FBXO31: variants seen among roughly 807,000 people sequenced by gnomAD.
The protein encoded by FBXO31 is F-box protein 31.
FBXO31 carries 24 observed loss-of-function variants against 54.4 expected under a neutral mutation model. That is an observed-to-expected ratio of 0.44 (90% confidence interval 0.32 to 0.62). The LOEUF is 0.62. Ranked by LOEUF, FBXO31 falls within the 20% of genes least tolerant of loss-of-function variation. The pLI is 0.05. For synonymous variants in FBXO31, 388 were observed against 335.6 expected, an observed-to-expected ratio of 1.16 and a Z score of -1.71; for missense variants, 665 against 787.1, an observed-to-expected ratio of 0.84 and a Z score of 1.86.
intron 1 of FBXO31, among the ~76,000 whole-genome samples, chr16:87,374,590 C>A (rs1382181308): frequency 1.3e-5 from 2 of 152,096 alleles, no homozygotes; most frequent in South Asian, 2.1e-4. Context: ...AAATTTAGAC[C>A]CACCTTAGGC....
chr16:87,383,829 G>T, upstream of FBXO31: 1 of 983,444 alleles, frequency 1.0e-6, no homozygotes, highest in Non-Finnish European at 1.3e-6. The surrounding 1 kb of genome is among the most constrained non-coding windows in gnomAD (Gnocchi z 4.9). Context: ...CGCCCCCGCC[G>T]CAGAGCTCGC....
At chr16:87,360,987 C>G (rs1181465659) in intron 1 of FBXO31, among the ~76,000 whole-genome samples, 1 of 152,216 alleles carries the variant, frequency 6.6e-6, no homozygotes, top group East Asian at 1.9e-4. Context: ...CCTACTCCCA[C>G]CCCACCACAG....
chr16:87,388,631 G>C (rs193176724), upstream of FBXO31: 128 of 152,322 alleles, frequency 8.4e-4, no homozygotes, highest in African/African-American at 2.8e-3. Flanking sequence ...TTAATGTTTT[G>C]TGATTCATTT....
chr16:87,343,844 G>T, intron 3 of FBXO31, 79 bp from the exon 4 acceptor site: 1 of 1,510,004 alleles, frequency 6.6e-7, no homozygotes, highest in Non-Finnish European at 9.1e-7. Context: ...TCCCCGCACT[G>T]CAATGGCACA....
intron 1 of FBXO31, among the ~76,000 whole-genome samples, chr16:87,362,851 A>G (rs1355146797): frequency 6.6e-6 from 1 of 152,006 alleles, no homozygotes; most frequent in Non-Finnish European, 1.5e-5. Flanking sequence ...GCCACTGTGC[A>G]TGGCCAGAGT....
intron 5 of FBXO31, among the ~76,000 whole-genome samples, chr16:87,340,606 A>C (rs9931961): frequency 0.029 from 4,425 of 152,330 alleles, 204 homozygotes; most frequent in African/African-American, 0.1. Context: ...GAGAGATCTC[A>C]GGATGGCACT....
At chr16:87,333,489 G>T (rs1904934980) in intron 8 of FBXO31, among the ~76,000 whole-genome samples, 1 of 152,226 alleles carries the variant, frequency 6.6e-6, no homozygotes, top group South Asian at 2.1e-4. Flanking sequence ...GGTGGGGAAG[G>T]GGCCTTGTTC....
At chr16:87,351,015 G>A (rs557388459) in intron 2 of FBXO31, among the ~76,000 whole-genome samples, 17 of 152,330 alleles carry the variant, frequency 1.1e-4, no homozygotes, top group South Asian at 8.3e-4. Flanking sequence ...ACCAGATGTC[G>A]GCTCCTTTAG....
chr16:87,351,491 T>C (rs753470052), intron 2 of FBXO31, among the ~76,000 whole-genome samples: 32 of 152,172 alleles, frequency 2.1e-4, no homozygotes, highest in Non-Finnish European at 4.1e-4. Flanking sequence ...GGGCAGCAGA[T>C]GGTCAGGCCT....
rs1907174513 is a variant in FBXO31 at position 87,383,422 on chromosome 16, C to T, written c.323G>A (p.Arg108Lys). Residue 108 changes from arginine to lysine, a missense_variant, in exon 1 of 9, where the codon AGG (arginine) becomes AAG (lysine). Around this residue, in one of 4 missense-constraint regions of FBXO31, gnomAD observed 195 missense variants for 174.8 expected, o/e 1.12. Transcript: ENST00000311635. This position sits in a 1 kb window ranked among gnomAD's most constrained non-coding sequence, Gnocchi z 4.9. ...RRILHTDTIW[R>K]RRCREEYGVC... ...GCGCTCACCCTCACGGCAACGCCTCCTCCAGATGGTGTCGGTGTGGAGGAT... is the reference window on the plus strand; with the variant it reads ...GCGCTCACCCTCACGGCAACGCCTCTTCCAGATGGTGTCGGTGTGGAGGAT... The T allele has an allele frequency of 3.2e-6, 5 of 1,570,612 alleles. No individual in the cohort carries two copies. The Middle Eastern group carries it at 5.8e-4, about 184-fold the overall frequency.
intron 1 of FBXO31, among the ~76,000 whole-genome samples, chr16:87,369,729 A>AT (rs1906516677): frequency 6.6e-6 from 1 of 152,126 alleles, no homozygotes; most frequent in Non-Finnish European, 1.5e-5. Context: ...CTAAGTTTAA[A>AT]TTTTTTAGGA....
rs574020567 is a variant in FBXO31, at chr16:87,338,354, G to C, written c.733-2090C>G. ...ACCCTCGTGGCAGCGCCGGCAGAGGGGGCTGAGGGTGACAAGGATGCCTGC... is the reference window on the plus strand; with the variant it reads ...ACCCTCGTGGCAGCGCCGGCAGAGGCGGCTGAGGGTGACAAGGATGCCTGC... On this transcript the variant is annotated intron_variant, in intron 5 of 8. Coordinates refer to ENST00000311635, the MANE Select transcript of FBXO31 (RefSeq NM_024735.5). The surrounding 1 kb of genome is among the most constrained non-coding windows in gnomAD (Gnocchi z 4.3). 1.3e-5 allele frequency among the ~76,000 whole-genome samples: 2 copies of C among 152,248 alleles called. No individual in the cohort carries two copies. Among genetic ancestry groups the C allele is most frequent in the South Asian group, 4.1e-4 (2 of 4,830 alleles).
intron 2 of FBXO31, among the ~76,000 whole-genome samples, chr16:87,348,923 G>A (rs1597366406): frequency 6.6e-6 from 1 of 152,228 alleles, no homozygotes; most frequent in Non-Finnish European, 1.5e-5. Context: ...GAATCCAGCA[G>A]AAGCATCGCT....
Position 87,330,293 on chromosome 16 carries a change from G to A in FBXO31, c.*995C>T, listed in dbSNP as rs573189181. 1 of 152,316 alleles carries A rather than the reference G, an allele frequency of 6.6e-6. No homozygotes were observed. The highest frequency in any genetic ancestry group is 6.5e-5 in the Admixed American group (1 of 15,286). The allele number at this position is 152,316 out of a possible 1,614,324, so 9.4% of individuals were successfully genotyped here. ...TTCCAAAGTGTGTCCCCAGATGCAG[G>A]TGTGGCTTTTCTAGAAAGCTGTCCC... On this transcript the variant is annotated 3_prime_UTR_variant, in exon 9 of 9. Transcript: ENST00000311635.
chr16:87,352,553 T>C (rs1028104043), intron 2 of FBXO31, among the ~76,000 whole-genome samples: 2 of 152,272 alleles, frequency 1.3e-5, no homozygotes, highest in South Asian at 2.1e-4. Flanking sequence ...CCCACAGGCC[T>C]GTTCAGGTCC....
chr16:87,375,649 G>C (rs1042417337), intron 1 of FBXO31, among the ~76,000 whole-genome samples: 29 of 152,118 alleles, frequency 1.9e-4, no homozygotes, highest in Admixed American at 3.3e-4. Context: ...GAAAGTGAAG[G>C]CTTCTTTATA....
At position 87,358,139 on chromosome 16, in the gene FBXO31, T is replaced by A. The variant is rs1194500378; in HGVS notation, c.412+2156A>T. Among the ~76,000 whole-genome samples, 1 of 152,192 alleles carries A rather than the reference T, an allele frequency of 6.6e-6. No individual in the cohort carries two copies. The highest frequency in any genetic ancestry group is 6.5e-5 in the Admixed American group (1 of 15,282). On this transcript the variant is annotated intron_variant, in intron 2 of 8. Transcript: ENST00000311635. This position sits in a 1 kb window ranked among gnomAD's most constrained non-coding sequence, Gnocchi z 4.0. ...CCTCAATAAACGATACATGTGAAAATGTGCATTAAAGTGATCTCGACTGGT... is the reference window on the plus strand; with the variant it reads ...CCTCAATAAACGATACATGTGAAAAAGTGCATTAAAGTGATCTCGACTGGT...
upstream of FBXO31, chr16:87,384,095 T>C (rs1041373172): frequency 3.1e-5 from 5 of 161,144 alleles, no homozygotes; most frequent in Non-Finnish European, 6.7e-5. Context: ...CTAACGAGGC[T>C]GCTCGGCGAC....
intron 2 of FBXO31, among the ~76,000 whole-genome samples, chr16:87,353,389 C>T (rs926294187): frequency 3.9e-5 from 6 of 152,362 alleles, no homozygotes; most frequent in East Asian, 1.9e-4. Context: ...TCAAAATTCA[C>T]GTCCCCTAGA....
Sources: allele counts gnomAD v4.1 joint callset (sites outside exome capture counted in the v4.1 genomes callset), GRCh38; gene constraint gnomAD v4.1.1; regional missense constraint gnomAD v4.1.1; non-coding constraint Gnocchi (gnomAD v3.1); transcripts MANE v1.5; gene names NCBI Gene and HGNC (gene_info 2026-07-23, HGNC 2026-07-21).